MDFIC: variants seen among roughly 807,000 people sequenced by gnomAD.
MDFIC encodes the protein myoD family inhibitor domain-containing protein.
MDFIC carries 17 observed loss-of-function variants against 23.2 expected under a neutral mutation model. The ratio of observed to expected loss-of-function variants is 0.73; its 90% confidence interval spans 0.50 to 1.10. The LOEUF is 1.10. Ranked by LOEUF, MDFIC falls within the 50% of genes least tolerant of loss-of-function variation. The pLI, the probability that MDFIC is intolerant of heterozygous loss-of-function variation, is 0.00. For missense variants in MDFIC, 356 were observed against 316.6 expected, an observed-to-expected ratio of 1.12 and a Z score of -0.95; for synonymous variants, 120 against 115.2, an observed-to-expected ratio of 1.04 and a Z score of -0.27.
chr7:114,986,774 T>C (rs1378646375), intron 4 of MDFIC, among the ~76,000 whole-genome samples: 3 of 152,250 alleles, frequency 2.0e-5, no homozygotes, highest in Non-Finnish European at 4.4e-5. Flanking sequence ...AATTGCCCCT[T>C]TTTTGGGTCT....
intron 4 of MDFIC, among the ~76,000 whole-genome samples, chr7:115,007,175 A>C (rs1791586001): frequency 6.6e-6 from 1 of 152,268 alleles, no homozygotes; most frequent in East Asian, 1.9e-4. Flanking sequence ...GAATGGTCCG[A>C]TGTCCGTGTG....
At chr7:114,969,447 G>A (rs903509687) in intron 3 of MDFIC, among the ~76,000 whole-genome samples, 3 of 152,042 alleles carry the variant, frequency 2.0e-5, no homozygotes, top group Non-Finnish European at 2.9e-5. Flanking sequence ...TACGGTTGAC[G>A]GAATTCTAAG....
chr7:115,016,291 A>G lies in MDFIC; in HGVS notation c.*356A>G. The G allele has an allele frequency of 4.3e-6, 1 of 231,662 alleles. No individual in the cohort carries two copies. The highest frequency in any genetic ancestry group is 8.5e-6 in the Non-Finnish European group (1 of 117,032). The allele number at this position is 231,662 out of a possible 1,614,324, so 14.4% of individuals were successfully genotyped here. ...CCAAATATATTATTTTTCAGTGTGT[A>G]TTTAAACGAGGCAGTTTATTTTGAT... On this transcript the variant is annotated 3_prime_UTR_variant, in exon 5 of 5. Coordinates refer to ENST00000393486, the MANE Select transcript of MDFIC (RefSeq NM_001166345.3).
At chr7:114,950,892 G>A (rs1395976437) in intron 3 of MDFIC, among the ~76,000 whole-genome samples, 1 of 152,112 alleles carries the variant, frequency 6.6e-6, no homozygotes, top group African/African-American at 2.4e-5. Flanking sequence ...GGTCAGGAGG[G>A]GCCAAGTGCA....
chr7:114,978,744 T>A (rs1447698530), intron 3 of MDFIC, among the ~76,000 whole-genome samples: 2 of 152,102 alleles, frequency 1.3e-5, no homozygotes, highest in Admixed American at 1.3e-4. Context: ...CTCAAAAATT[T>A]TGTTCATTCC....
chr7:114,964,084 T>C (rs1793045408), intron 3 of MDFIC, among the ~76,000 whole-genome samples: 1 of 152,240 alleles, frequency 6.6e-6, no homozygotes, highest in Non-Finnish European at 1.5e-5. Flanking sequence ...ATTAGCTCCA[T>C]GTATTATTCA....
At chr7:115,004,788 C>T (rs1791535883) in intron 4 of MDFIC, among the ~76,000 whole-genome samples, 1 of 152,138 alleles carries the variant, frequency 6.6e-6, no homozygotes, top group Non-Finnish European at 1.5e-5. Flanking sequence ...TGGCTAATTC[C>T]ATGTGCCTCT....
chr7:114,988,348 T>G (rs1793548376), intron 4 of MDFIC, among the ~76,000 whole-genome samples: 1 of 152,186 alleles, frequency 6.6e-6, no homozygotes, highest in African/African-American at 2.4e-5. Flanking sequence ...ACTCTACTAA[T>G]GCACCAAAGT....
chr7:114,929,921 T>C (rs1385733376), intron 2 of MDFIC, among the ~76,000 whole-genome samples: 1 of 152,076 alleles, frequency 6.6e-6, no homozygotes, highest in Non-Finnish European at 1.5e-5. Context: ...GGAATATTCC[T>C]CTTTGAGATG....
At chr7:114,996,305 G>T (rs1791327817) in intron 4 of MDFIC, among the ~76,000 whole-genome samples, 1 of 152,128 alleles carries the variant, frequency 6.6e-6, no homozygotes, top group Non-Finnish European at 1.5e-5. Flanking sequence ...TTGCATTTGG[G>T]TTTATTTTTA....
intron 4 of MDFIC, among the ~76,000 whole-genome samples, chr7:115,002,881 T>C (rs749486663): frequency 2.0e-4 from 30 of 152,200 alleles, no homozygotes; most frequent in Admixed American, 3.3e-4. Context: ...AAAATATATG[T>C]GTAGTGAGTG....
rs144220610 is a variant in MDFIC, at chr7:114,996,962, C to A, written c.493+17181C>A. On this transcript the variant is annotated intron_variant, in intron 4 of 4. Transcript: ENST00000393486. ...GTAATGGAGAAGGGATAAAGAGGGG[C>A]AGCTTGGAAACCAAATGAAGGAAGT... Among the ~76,000 whole-genome samples, 714 of 152,198 alleles carry A rather than the reference C, an allele frequency of 4.7e-3. 4 individuals carry two copies. Among genetic ancestry groups the A allele is most frequent in the African/African-American group, 0.016 (647 of 41,534 alleles).
At chr7:114,959,733 T>C (rs1321544724) in intron 3 of MDFIC, among the ~76,000 whole-genome samples, 4 of 151,828 alleles carry the variant, frequency 2.6e-5, no homozygotes, top group African/African-American at 9.7e-5. Context: ...TCAGTGACTA[T>C]AGATACAAAC....
chr7:114,997,183 G>A (rs1272618755), intron 4 of MDFIC, among the ~76,000 whole-genome samples: 3 of 152,112 alleles, frequency 2.0e-5, no homozygotes, highest in Admixed American at 6.6e-5. Context: ...TTGCAAATCT[G>A]GATTACTCTA....
chr7:114,949,073 GTGT>G (rs1375416552), intron 3 of MDFIC, among the ~76,000 whole-genome samples: 4 of 152,166 alleles, frequency 2.6e-5, no homozygotes, highest in Non-Finnish European at 5.9e-5. Context: ...AGCACAATGT[GTGT>G]TGTTATTATT....
intron 3 of MDFIC, among the ~76,000 whole-genome samples, chr7:114,958,775 ATAAC>A (rs1264318148): frequency 6.6e-6 from 1 of 152,140 alleles, no homozygotes; most frequent in East Asian, 1.9e-4. Context: ...CAACAACAAA[ATAAC>A]AAACAAACAA....
chr7:115,005,691 T>A (rs1791555360), intron 4 of MDFIC, among the ~76,000 whole-genome samples: 1 of 152,222 alleles, frequency 6.6e-6, no homozygotes, highest in Non-Finnish European at 1.5e-5. Context: ...GCAAACAACA[T>A]GTTCATAGAT....
intron 2 of MDFIC, among the ~76,000 whole-genome samples, chr7:114,930,132 T>C (rs977149255): frequency 1.3e-5 from 2 of 152,188 alleles, no homozygotes; most frequent in Non-Finnish European, 2.9e-5. Flanking sequence ...GCAAATAAAA[T>C]GCCTGCTGGG....
chr7:114,979,827 A>C, intron 4 of MDFIC, 46 bp downstream of exon 4: 1 of 1,575,110 alleles, frequency 6.3e-7, no homozygotes, highest in Non-Finnish European at 8.7e-7. Context: ...GATGTAAAAT[A>C]ATATTTCCTG....
Sources: allele counts gnomAD v4.1 joint callset (sites outside exome capture counted in the v4.1 genomes callset), GRCh38; gene constraint gnomAD v4.1.1; transcripts MANE v1.5; gene names NCBI Gene and HGNC (gene_info 2026-07-23, HGNC 2026-07-21).